The following MGAT5B variants were observed in gnomAD, a reference collection of about 807,000 sequenced individuals.
MGAT5B encodes the protein N-acetylglucosaminyl-transferase Vb.
Under a neutral mutation model 95.1 loss-of-function variants are expected in MGAT5B, and 54 were observed. That is an observed-to-expected ratio of 0.57 (90% confidence interval 0.46 to 0.71). MGAT5B has a LOEUF of 0.71. Ranked by LOEUF, MGAT5B falls within the 30% of genes least tolerant of loss-of-function variation. The pLI is 0.00. For missense variants in MGAT5B, 935 were observed against 1,088.6 expected (o/e 0.86, Z 1.99); for synonymous variants, 464 against 451.0 (o/e 1.03, Z -0.36).
chr17:76,895,103 C>T (rs1052816943), intron 3 of MGAT5B, among the ~76,000 whole-genome samples: 6 of 152,082 alleles, frequency 3.9e-5, no homozygotes, highest in East Asian at 1.9e-4. Flanking sequence ...ACTTGAGCTC[C>T]GCCTCCTGTC....
At chr17:76,939,325 C>T (rs1257901411) in intron 13 of MGAT5B, among the ~76,000 whole-genome samples, 1 of 151,880 alleles carries the variant, frequency 6.6e-6, no homozygotes, top group Non-Finnish European at 1.5e-5. Flanking sequence ...TGGTGAAACC[C>T]TGTCTCTACT....
At chr17:76,926,876 T>A in intron 10 of MGAT5B, 146 bp downstream of exon 10, 1 of 997,326 alleles carries the variant, frequency 1.0e-6, no homozygotes, top group Non-Finnish European at 1.5e-6. Context: ...CATCGCCTTC[T>A]CCTGCTCCAT....
chr17:76,896,317 A>C (rs1191970557), intron 3 of MGAT5B, among the ~76,000 whole-genome samples: 1 of 152,210 alleles, frequency 6.6e-6, no homozygotes, highest in South Asian at 2.1e-4. Context: ...ATGCCAAATA[A>C]TTGTGTTTTG....
At position 76,868,888 on chromosome 17, in the gene MGAT5B, G is replaced by A; in HGVS notation, c.-142G>A. 1.5e-6 allele frequency: 1 copy of A among 669,332 alleles called. No homozygotes were observed. Among genetic ancestry groups the A allele is most frequent in the Non-Finnish European group, 2.4e-6 (1 of 421,316 alleles). The allele number at this position is 669,332 out of a possible 1,614,324, so 41.5% of individuals were successfully genotyped here. On this transcript the variant is annotated 5_prime_UTR_variant, in exon 1 of 18. Coordinates refer to ENST00000569840, the MANE Select transcript of MGAT5B (RefSeq NM_001199172.2). The surrounding 1 kb of genome is among the most constrained non-coding windows in gnomAD (Gnocchi z 6.3). The stretch of plus-strand genomic sequence containing the variant: ...CTGCACGCCCAGGCCTGAGCAGCGA[G>A]GCCACCGGGCCGCGCGCTCCCAGCT...
chr17:76,884,957 C>T (rs1000758602), intron 3 of MGAT5B, among the ~76,000 whole-genome samples: 1 of 152,014 alleles, frequency 6.6e-6, no homozygotes, highest in African/African-American at 2.4e-5. Context: ...AGGTTGGTCT[C>T]GAACTCCTGA....
In MGAT5B at chr17:76,905,840, T is replaced by C. The variant is rs908272598; in HGVS notation, c.856-178T>C. 8.7e-6 allele frequency among the ~76,000 whole-genome samples: 1 copy of C among 114,940 alleles called. No individual in the cohort carries two copies. The highest frequency in any genetic ancestry group is 4.0e-5 in the African/African-American group (1 of 25,256). The allele number at this position is 114,940 out of a possible 152,430, so 75.4% of individuals were successfully genotyped here. A position where few individuals can be genotyped will look rare whatever the true frequency, so the allele number is the denominator to read the frequency against. On this transcript the variant is annotated intron_variant, in intron 7 of 17. Coordinates refer to ENST00000569840, the MANE Select transcript of MGAT5B (RefSeq NM_001199172.2). This position sits in a 1 kb window ranked among gnomAD's most constrained non-coding sequence, Gnocchi z 4.2. ...CTCCATGAGGGCAAGCACGTGACTA[T>C]CTTGTTCGCCCGTGTCCCCAGTGCC...
chr17:76,903,432 C>A, intron 5 of MGAT5B, 56 bp downstream of exon 5: 2 of 1,469,584 alleles, frequency 1.4e-6, no homozygotes, highest in Non-Finnish European at 1.9e-6. Context: ...CTCTGTCTGG[C>A]CCTGGCCCCT....
At chr17:76,921,998 C>T (rs1270582221) in intron 8 of MGAT5B, among the ~76,000 whole-genome samples, 1 of 152,130 alleles carries the variant, frequency 6.6e-6, no homozygotes, top group East Asian at 1.9e-4. Context: ...TTGAAGATGG[C>T]GAGGATGATG....
chr17:76,923,873 T>C (rs935677185), intron 8 of MGAT5B: 21 of 152,060 alleles, frequency 1.4e-4, no homozygotes, highest in African/African-American at 4.4e-4. Context: ...CATTCTGAGC[T>C]CCCGGGCGTC....
intron 12 of MGAT5B, among the ~76,000 whole-genome samples, chr17:76,934,693 G>A (rs978574936): frequency 6.6e-6 from 1 of 152,176 alleles, no homozygotes; most frequent in Non-Finnish European, 1.5e-5. Flanking sequence ...GAGAGGTTAT[G>A]AAGTCTGGAA....
At chr17:76,902,329 T>C (rs1968342364) in intron 3 of MGAT5B, among the ~76,000 whole-genome samples, 1 of 152,178 alleles carries the variant, frequency 6.6e-6, no homozygotes, top group African/African-American at 2.4e-5. Flanking sequence ...TGTGCAGATA[T>C]GGGCTTTCCC....
At chr17:76,874,220 C>T (rs966898472) in intron 2 of MGAT5B, among the ~76,000 whole-genome samples, 6 of 152,114 alleles carry the variant, frequency 3.9e-5, no homozygotes, top group South Asian at 2.1e-4. Context: ...AGGCTCGTTG[C>T]GAGGCTGTGC....
At chr17:76,907,650 G>T (rs1292842864) in intron 8 of MGAT5B, among the ~76,000 whole-genome samples, 1 of 152,174 alleles carries the variant, frequency 6.6e-6, no homozygotes, top group Non-Finnish European at 1.5e-5. Flanking sequence ...AAATGGTTTT[G>T]AACGTTGCCG....
At chr17:76,904,801 A>G (rs1968460004) in intron 6 of MGAT5B, among the ~76,000 whole-genome samples, 1 of 152,228 alleles carries the variant, frequency 6.6e-6, no homozygotes, top group Non-Finnish European at 1.5e-5. Flanking sequence ...GAGGTTTACA[A>G]TTGAATTAAT....
Position 76,901,912 on chromosome 17 carries a change from A to C in MGAT5B, c.330-643A>C, listed in dbSNP as rs563548478. ...GTTTCAGCCCCATGCACTGCCCTTC[A>C]GCACACATGCAGTAATGCACGGACA... On this transcript the variant is annotated intron_variant, in intron 3 of 17. Transcript: ENST00000569840. 2.6e-5 allele frequency among the ~76,000 whole-genome samples: 4 copies of C among 152,388 alleles called. No individual in the cohort carries two copies. The East Asian group carries it at 7.7e-4, about 29-fold the overall frequency.
intron 8 of MGAT5B, among the ~76,000 whole-genome samples, chr17:76,911,845 A>C (rs1445519481): frequency 1.3e-5 from 2 of 152,228 alleles, no homozygotes; most frequent in Non-Finnish European, 2.9e-5. Context: ...GAATGAATGA[A>C]CAGCAGGAAT....
rs1404691421 is a variant in MGAT5B, at chr17:76,889,643, CATA to C, written c.329+7351_329+7353del. Among the ~76,000 whole-genome samples the C allele has an allele frequency of 1.3e-5, 2 of 152,094 alleles. No homozygotes were observed. The highest frequency in any genetic ancestry group is 4.8e-5 in the African/African-American group (2 of 41,380). Reference sequence around the variant, plus strand: ...GGCTGAAGTAATAATTATTAATCATCATAATAATTAATGATGATAATAATCAAT... The same window carrying C: ...GGCTGAAGTAATAATTATTAATCATCATAATTAATGATGATAATAATCAAT... On this transcript the variant is annotated intron_variant, in intron 3 of 17. Transcript: ENST00000569840. The surrounding 1 kb of genome is among the most constrained non-coding windows in gnomAD (Gnocchi z 4.4).
intron 2 of MGAT5B, among the ~76,000 whole-genome samples, chr17:76,878,192 AC>A (rs1967266193): frequency 6.6e-6 from 1 of 151,110 alleles, no homozygotes; most frequent in South Asian, 2.1e-4. Context: ...CTGGGTACCC[AC>A]CCCCTGCCTA....
At chr17:76,908,147 CAG>C (rs1311250269) in intron 8 of MGAT5B, among the ~76,000 whole-genome samples, 10 of 152,004 alleles carry the variant, frequency 6.6e-5, no homozygotes, top group African/African-American at 1.9e-4. Context: ...TGGGGAGTAA[CAG>C]AAATTCTTAA....
Sources: allele counts gnomAD v4.1 joint callset (sites outside exome capture counted in the v4.1 genomes callset), GRCh38; gene constraint gnomAD v4.1.1; non-coding constraint Gnocchi (gnomAD v3.1); transcripts MANE v1.5; gene names NCBI Gene and HGNC (gene_info 2026-07-23, HGNC 2026-07-21).